The following TNFSF13 variants were observed in gnomAD, a reference collection of about 807,000 sequenced individuals.
TNFSF13 encodes the protein TNF superfamily member 13, also known as tumor necrosis factor ligand superfamily member 13.
In TNFSF13, 18 loss-of-function variants were observed where a neutral mutation model predicts 30.7. The observed-to-expected ratio is 0.59, with a 90% CI of 0.41 to 0.87. The LOEUF (loss-of-function observed/expected upper bound fraction) is 0.87, where lower values mean the gene tolerates loss of function less well. TNFSF13 is among the 40% of genes least tolerant of loss of function. TNFSF13 has a pLI of 0.00. For missense variants in TNFSF13, 286 were observed against 308.8 expected, an observed-to-expected ratio of 0.93 and a Z score of 0.55; for synonymous variants, 116 against 123.2, an observed-to-expected ratio of 0.94 and a Z score of 0.39.
Position 7,560,725 on chromosome 17 carries a change from T to G in TNFSF13, c.645T>G (p.Gly215=). The change falls in exon 6 of 6, where the codon GGT becomes GGG. Residue 215 remains glycine, a splice_region_variant and synonymous_variant. Coordinates refer to ENST00000338784, the MANE Select transcript of TNFSF13 (RefSeq NM_003808.4). ...DRAYNSCYSA[G]VFHLHQGDIL... The stretch of plus-strand genomic sequence containing the variant: ...AATCTACTTTCTCTCTTTTCTCAGG[T>G]GTCTTCCATTTACACCAAGGGGATA... 6.2e-7 allele frequency: 1 copy of G among 1,614,196 alleles called. No homozygotes were observed.
chr17:7,560,824 G>A lies in TNFSF13; in HGVS notation c.744G>A (p.Val248=). 6.2e-7 allele frequency: 1 copy of A among 1,614,020 alleles called. No individual in the cohort carries two copies. The highest frequency in any genetic ancestry group is 1.3e-5 in the African/African-American group (1 of 75,020). ...CACATGGAACCTTCCTGGGGTTTGT[G>A]AAACTGTGATTGTGTTATAAAAAGT... ...LSPHGTFLGF[V]KL The change falls in exon 6 of 6, where the codon GTG becomes GTA. Residue 248 remains valine (V), a synonymous_variant. Coordinates refer to ENST00000338784, the MANE Select transcript of TNFSF13 (RefSeq NM_003808.4).
chr17:7,560,589 G>A lies in TNFSF13; in HGVS notation c.643+101G>A, dbSNP rs535249555. The stretch of plus-strand genomic sequence containing the variant: ...GGAGGTTGGAAACCTAAACAGAGGC[G>A]GGTCTGAGGAGTGAAGTGCAGAATG... On this transcript the variant is annotated intron_variant, in intron 5 of 5. Transcript: ENST00000338784. The A allele has an allele frequency of 1.0e-3, 1,657 of 1,608,198 alleles. 1 individual carries two copies. Among genetic ancestry groups the A allele is most frequent in the Non-Finnish European group, 1.3e-3 (1,549 of 1,177,206 alleles).
In TNFSF13 at chr17:7,560,477, G is replaced by C; in HGVS notation, c.632G>C (p.Cys211Ser). Reference sequence around the variant, plus strand: ...CACCCGGACCGGGCCTACAACAGCTGCTATAGCGCAGGTGAGAGCCGTGTG... The same window carrying C: ...CACCCGGACCGGGCCTACAACAGCTCCTATAGCGCAGGTGAGAGCCGTGTG... ...PSHPDRAYNS[C>S]YSAGVFHLHQ... is the part of the protein sequence containing the mutation. The change falls in exon 5 of 6, where the codon TGC becomes TCC. Residue 211 changes from cysteine (C) to serine (S), a missense_variant. Coordinates refer to ENST00000338784, the MANE Select transcript of TNFSF13 (RefSeq NM_003808.4). The C allele has an allele frequency of 6.2e-7, 1 of 1,614,126 alleles. No homozygotes were observed. Among genetic ancestry groups the C allele is most frequent in the East Asian group, 2.2e-5 (1 of 44,884 alleles).
chr17:7,561,149 G>A lies in TNFSF13; in HGVS notation c.*316G>A. 7.4e-7 allele frequency: 1 copy of A among 1,343,994 alleles called. No homozygotes were observed. Among genetic ancestry groups the A allele is most frequent in the Non-Finnish European group, 1.0e-6 (1 of 972,790 alleles). 83.3% of individuals were successfully genotyped at this position (1,343,994 alleles called of 1,614,324 possible). On this transcript the variant is annotated 3_prime_UTR_variant, in exon 6 of 6. Transcript: ENST00000338784. The surrounding 1 kb of genome is among the most constrained non-coding windows in gnomAD (Gnocchi z 4.4). ...ATCCAGAACAGCACCACCATCTAGC[G>A]GCCGCTCGAGGGAAGCACCCGCCGG...
In TNFSF13 at chr17:7,560,829, T is replaced by C; in HGVS notation, c.749T>C (p.Leu250Pro). ...PHGTFLGFVK[L>P] is the part of the protein sequence containing the mutation. The stretch of plus-strand genomic sequence containing the variant: ...GGAACCTTCCTGGGGTTTGTGAAAC[T>C]GTGATTGTGTTATAAAAAGTGGCTC... The change falls in exon 6 of 6, where the codon CTG becomes CCG. Residue 250 changes from leucine (L) to proline (P), a missense_variant. Physicochemically the swap from Leu to Pro is moderately conservative, Grantham distance 98 (BLOSUM62 -3). Transcript: ENST00000338784. The C allele has an allele frequency of 6.2e-7, 1 of 1,613,852 alleles. No homozygotes were observed. The highest frequency in any genetic ancestry group is 8.5e-7 in the Non-Finnish European group (1 of 1,179,840).
At chr17:7,560,661 G>C in intron 5 of TNFSF13, 63 bp from the exon 6 acceptor site, 3 of 1,612,856 alleles carry the variant, frequency 1.9e-6, no homozygotes, top group Non-Finnish European at 2.5e-6. Flanking sequence ...GGAGAAGGCA[G>C]GGGGAAACAG....
At chr17:7,558,555 AC>A (rs1366888721), upstream of TNFSF13, 1 of 143,232 alleles carries the variant, frequency 7.0e-6, no homozygotes, top group Admixed American at 6.9e-5. The surrounding 1 kb of genome is among the most constrained non-coding windows in gnomAD (Gnocchi z 4.3). Context: ...ACCTTCAGTC[AC>A]CCCTAGTGAA....
intron 5 of TNFSF13, 39 bp from the exon 6 acceptor site, chr17:7,560,685 C>T (rs755266941): frequency 6.2e-7 from 1 of 1,613,720 alleles, no homozygotes; most frequent in South Asian, 1.1e-5. Flanking sequence ...ATCTGGATGG[C>T]TGTGCTTCAC....
intron 5 of TNFSF13, 117 bp downstream of exon 5, chr17:7,560,605 G>A (rs1328119330): frequency 8.1e-6 from 13 of 1,609,564 alleles, no homozygotes; most frequent in Non-Finnish European, 1.0e-5. Context: ...GAGGAGTGAA[G>A]TGCAGAATGC....
Position 7,561,080 on chromosome 17 carries a change from G to A in TNFSF13, c.*247G>A. 2.5e-6 allele frequency: 4 copies of A among 1,596,408 alleles called. No individual in the cohort carries two copies. The South Asian group carries it at 3.3e-5, about 13-fold the overall frequency. On this transcript the variant is annotated 3_prime_UTR_variant, in exon 6 of 6. Transcript: ENST00000338784. This position sits in a 1 kb window ranked among gnomAD's most constrained non-coding sequence, Gnocchi z 4.4. ...TGTGTGTAGATGAGGGGCGGGGGAC[G>A]GGCGCCAGGCATTGTCCAGACCTGG...
In TNFSF13 at chr17:7,559,899, C is replaced by T. The variant is rs1440859517; in HGVS notation, c.385+6C>T. 8 of 1,614,078 alleles carry T rather than the reference C, an allele frequency of 5.0e-6. No homozygotes were observed. The Admixed American group carries it at 1.3e-4, about 27-fold the overall frequency. On this transcript the variant is annotated splice_donor_region_variant and intron_variant, in intron 3 of 5. Coordinates refer to ENST00000338784, the MANE Select transcript of TNFSF13 (RefSeq NM_003808.4). The surrounding 1 kb of genome is among the most constrained non-coding windows in gnomAD (Gnocchi z 5.4). ...CATTAACGCCACCTCCAAGGGTGAG[C>T]ACTATTTTAAATAATGGCTTTGGGG...
chr17:7,561,587 A>C lies in TNFSF13; in HGVS notation c.*754A>C, dbSNP rs2071206422. ...CAAGCCCTGCTTAAAGTTAAATAAAATAGAATGAATGATACCCCGGCTCCA... is the reference window on the plus strand; with the variant it reads ...CAAGCCCTGCTTAAAGTTAAATAAACTAGAATGAATGATACCCCGGCTCCA... On this transcript the variant is annotated 3_prime_UTR_variant, in exon 6 of 6. Transcript: ENST00000338784. This position sits in a 1 kb window ranked among gnomAD's most constrained non-coding sequence, Gnocchi z 4.4. 1 of 157,842 alleles carries C rather than the reference A, an allele frequency of 6.3e-6. No homozygotes were observed. The highest frequency in any genetic ancestry group is 1.7e-4 in the South Asian group (1 of 5,908). The allele number at this position is 157,842 out of a possible 1,614,324, so 9.8% of individuals were successfully genotyped here.
chr17:7,560,746 G>A lies in TNFSF13; in HGVS notation c.666G>A (p.Gly222=). 6.2e-7 allele frequency: 1 copy of A among 1,614,124 alleles called. No individual in the cohort carries two copies. The highest frequency in any genetic ancestry group is 8.5e-7 in the Non-Finnish European group (1 of 1,180,020). The change falls in exon 6 of 6, where the codon GGG becomes GGA. Residue 222 remains glycine, a synonymous_variant. Transcript: ENST00000338784. ...CAGGTGTCTTCCATTTACACCAAGG[G>A]GATATTCTGAGTGTCATAATTCCCC... The part of the protein sequence containing the change: ...YSAGVFHLHQ[G]DILSVIIPRA...
At position 7,559,848 on chromosome 17, in the gene TNFSF13, C is replaced by G. The variant is rs1435934786; in HGVS notation, c.340C>G (p.Gln114Glu). 2.5e-6 allele frequency: 4 copies of G among 1,614,074 alleles called. No individual in the cohort carries two copies. The highest frequency in any genetic ancestry group is 2.5e-6 in the Non-Finnish European group (3 of 1,180,022). The change falls in exon 3 of 6, where the codon CAG becomes GAG. Residue 114 changes from glutamine (Q) to glutamate (E), a missense_variant and splice_region_variant. Physicochemically the swap from Gln to Glu is conservative, Grantham distance 29 (BLOSUM62 2). Coordinates refer to ENST00000338784, the MANE Select transcript of TNFSF13 (RefSeq NM_003808.4). This position sits in a 1 kb window ranked among gnomAD's most constrained non-coding sequence, Gnocchi z 5.4. ...AGATTCCCTCCTTCTCTCCTCAGAG[C>G]AGCACTCTGTCCTGCACCTGGTTCC... The part of the protein sequence containing the change: ...RAVLTQKQKK[Q>E]HSVLHLVPIN...
At chr17:7,560,282 C>T (rs2071165757) in intron 4 of TNFSF13, 68 bp from the exon 5 acceptor site, 2 of 1,611,682 alleles carry the variant, frequency 1.2e-6, no homozygotes, top group African/African-American at 1.3e-5. Flanking sequence ...CCCTCGTTAG[C>T]GCTCCTGAGG....
chr17:7,559,580 A>G lies in TNFSF13; in HGVS notation c.259-44A>G. 6.2e-7 allele frequency: 1 copy of G among 1,600,722 alleles called. No individual in the cohort carries two copies. Among genetic ancestry groups the G allele is most frequent in the Non-Finnish European group, 8.5e-7 (1 of 1,173,290 alleles). The stretch of plus-strand genomic sequence containing the variant: ...GGGCTGGGAAGGCAGGCTGGCTGGG[A>G]CCCTCGCATCTTAACCTAACCTTGA... On this transcript the variant is annotated intron_variant, in intron 1 of 5. Transcript: ENST00000338784. This position sits in a 1 kb window ranked among gnomAD's most constrained non-coding sequence, Gnocchi z 5.4.
chr17:7,560,051 G>C lies in TNFSF13; in HGVS notation c.388G>C (p.Asp130His), dbSNP rs1231168982. ...GACCGACACACTCTCACCTCCAGAT[G>C]ACTCCGATGTGACAGAGGTGATGTG... The part of the protein sequence containing the change: ...LVPINATSKD[D>H]SDVTEVMWQP... The change falls in exon 4 of 6, where the codon GAC becomes CAC. Residue 130 changes from aspartate (D) to histidine (H), a missense_variant and splice_region_variant. Asp to His is a moderately conservative substitution (Grantham distance 81). Coordinates refer to ENST00000338784, the MANE Select transcript of TNFSF13 (RefSeq NM_003808.4). 1 of 1,614,020 alleles carries C rather than the reference G, an allele frequency of 6.2e-7. No homozygotes were observed. The highest frequency in any genetic ancestry group is 8.5e-7 in the Non-Finnish European group (1 of 1,180,028).
rs756407517 is a variant in TNFSF13 at position 7,559,290 on chromosome 17, C to A, written c.251C>A (p.Pro84Gln). The change falls in exon 1 of 6, where the codon CCG (proline) becomes CAG (glutamine). Residue 84 changes from proline (P) to glutamine (Q), a missense_variant. Coordinates refer to ENST00000338784, the MANE Select transcript of TNFSF13 (RefSeq NM_003808.4). The surrounding 1 kb of genome is among the most constrained non-coding windows in gnomAD (Gnocchi z 5.4). ...GAAGGGTATCCCTGGCAGAGTCTCC[C>A]GGAGCAGGTGAGTGAGGGGAGGAGG... Reference protein sequence around the residue: ...NGEGYPWQSLPEQSSDALEAW... With the variant: ...NGEGYPWQSLQEQSSDALEAW... 2 of 1,602,262 alleles carry A rather than the reference C, an allele frequency of 1.2e-6. No individual in the cohort carries two copies. The highest frequency in any genetic ancestry group is 1.7e-6 in the Non-Finnish European group (2 of 1,174,576).
At position 7,560,456 on chromosome 17, in the gene TNFSF13, C is replaced by T. The variant is rs139748549; in HGVS notation, c.611C>T (p.Pro204Leu). Reference sequence around the variant, plus strand: ...TGTATAAGAAGTATGCCCTCCCACCCGGACCGGGCCTACAACAGCTGCTAT... The same window carrying T: ...TGTATAAGAAGTATGCCCTCCCACCTGGACCGGGCCTACAACAGCTGCTAT... The part of the protein sequence containing the change: ...FRCIRSMPSH[P>L]DRAYNSCYSA... Residue 204 changes from proline (P) to leucine (L), a missense_variant, in exon 5 of 6, where the codon CCG (proline) becomes CTG (leucine). By Grantham distance (98) the Pro-to-Leu change is moderately conservative (BLOSUM62 -3). Coordinates refer to ENST00000338784, the MANE Select transcript of TNFSF13 (RefSeq NM_003808.4). 7.4e-6 allele frequency: 12 copies of T among 1,614,044 alleles called. No individual in the cohort carries two copies. The African/African-American group carries it at 1.5e-4, about 20-fold the overall frequency.
Sources: gnomAD v4.1 joint callset for allele counts on GRCh38, gnomAD v4.1.1 for gene constraint, Gnocchi (gnomAD v3.1) non-coding constraint, MANE v1.5 for transcripts, NCBI Gene and HGNC (gene_info 2026-07-23, HGNC 2026-07-21) for gene names.